The following CREB5 variants were observed in gnomAD, a reference collection of about 807,000 sequenced individuals.
CREB5 encodes the protein cAMP responsive element binding protein 5, also known as cyclic AMP-responsive element-binding protein 5.
In CREB5, 19 loss-of-function variants were observed where a neutral mutation model predicts 57.1. The observed-to-expected ratio is 0.33, with a 90% CI of 0.23 to 0.49. CREB5 has a LOEUF of 0.49. Ranked by LOEUF, CREB5 falls within the 20% of genes least tolerant of loss-of-function variation. The pLI is 0.99. For synonymous variants in CREB5, 238 were observed against 238.3 expected, an observed-to-expected ratio of 1.00 and a Z score of 0.01; for missense variants, 579 against 671.6, an observed-to-expected ratio of 0.86 and a Z score of 1.52.
rs564261428 is a variant in CREB5, at chr7:28,735,432, C to T, written c.702+11100C>T. The stretch of plus-strand genomic sequence containing the variant: ...TGCTCTTATCCCATTTATGACAAAT[C>T]AATCTCTGGCCATTTTTATTTCCTC... On this transcript the variant is annotated intron_variant, in intron 7 of 10. Coordinates refer to ENST00000357727, the MANE Select transcript of CREB5 (RefSeq NM_182898.4). Among the ~76,000 whole-genome samples the T allele has an allele frequency of 1.3e-4, 20 of 152,226 alleles. No individual in the cohort carries two copies. The East Asian group carries it at 3.9e-3, about 29-fold the overall frequency.
At chr7:28,401,572 A>G (rs969053999) in intron 1 of CREB5, among the ~76,000 whole-genome samples, 2 of 151,814 alleles carry the variant, frequency 1.3e-5, no homozygotes, top group African/African-American at 2.4e-5. Context: ...CCTTTCCCCA[A>G]CCACGACAGG....
At position 28,488,256 on chromosome 7, in the gene CREB5, CG is replaced by C; in HGVS notation, c.75+12del. On this transcript the variant is annotated intron_variant, in intron 2 of 10. Coordinates refer to ENST00000357727, the MANE Select transcript of CREB5 (RefSeq NM_182898.4). ...CCCAGGCTGCTCCCAGGTGAGTGTGCGGATCCTCCCTGCTCTGACATGCAGG... is the reference window on the plus strand; with the variant it reads ...CCCAGGCTGCTCCCAGGTGAGTGTGCGATCCTCCCTGCTCTGACATGCAGG... The C allele has an allele frequency of 6.2e-7, 1 of 1,612,362 alleles. No individual in the cohort carries two copies.
At chr7:28,778,450 C>T (rs1334017142) in intron 7 of CREB5, among the ~76,000 whole-genome samples, 1 of 152,144 alleles carries the variant, frequency 6.6e-6, no homozygotes, top group African/African-American at 2.4e-5. Context: ...AGAACTGATT[C>T]TTGTTATAAA....
At chr7:28,694,135 C>T (rs186785351) in intron 5 of CREB5, among the ~76,000 whole-genome samples, 30 of 152,272 alleles carry the variant, frequency 2.0e-4, no homozygotes, top group Non-Finnish European at 2.8e-4. Flanking sequence ...TTTGCATCTG[C>T]CTCTTCTTGA....
At chr7:28,425,372 G>A (rs1459106784) in intron 1 of CREB5, among the ~76,000 whole-genome samples, 1 of 152,034 alleles carries the variant, frequency 6.6e-6, no homozygotes, top group African/African-American at 2.4e-5. Flanking sequence ...TCCATACATA[G>A]GAAATGTCCA....
rs138908624 is a variant in CREB5, at chr7:28,537,238, A to G, written c.291+29501A>G. On this transcript the variant is annotated intron_variant, in intron 4 of 10. Transcript: ENST00000357727. ...TGTTATGAGATACATGAGATACATG[A>G]TACAGGATTACTGTAGTGAAGCAAA... 5.3e-5 allele frequency among the ~76,000 whole-genome samples: 8 copies of G among 152,354 alleles called. No homozygotes were observed. The East Asian group carries it at 1.5e-3, about 29-fold the overall frequency.
chr7:28,553,589 G>A (rs1335065548), intron 4 of CREB5, among the ~76,000 whole-genome samples: 2 of 152,172 alleles, frequency 1.3e-5, no homozygotes, highest in African/African-American at 4.8e-5. Context: ...AGGCAGTCCT[G>A]TTTTCCTGTC....
intron 9 of CREB5, among the ~76,000 whole-genome samples, chr7:28,813,971 A>G (rs911710200): frequency 1.3e-5 from 2 of 152,348 alleles, no homozygotes; most frequent in Middle Eastern, 3.4e-3. Context: ...ATTAAGACCT[A>G]AAACTCTGAT....
intron 4 of CREB5, among the ~76,000 whole-genome samples, chr7:28,517,737 CTGT>C (rs748197294): frequency 5.3e-5 from 8 of 152,098 alleles, no homozygotes; most frequent in Non-Finnish European, 1.0e-4. Context: ...CTCTGCTTGA[CTGT>C]TGTTAGGTTT....
chr7:28,811,122 T>A (rs1235415761), intron 9 of CREB5, among the ~76,000 whole-genome samples: 7 of 152,188 alleles, frequency 4.6e-5, no homozygotes, highest in African/African-American at 1.7e-4. Flanking sequence ...TAGTGTAGTG[T>A]CTACACTCAG....
intron 5 of CREB5, among the ~76,000 whole-genome samples, chr7:28,674,985 T>G (rs2128721329): frequency 6.6e-6 from 1 of 152,312 alleles, no homozygotes; most frequent in South Asian, 2.1e-4. Context: ...TTTTCCTGCA[T>G]GAAACACACC....
At chr7:28,491,514 A>G (rs1250600733) in intron 2 of CREB5, among the ~76,000 whole-genome samples, 2 of 152,234 alleles carry the variant, frequency 1.3e-5, no homozygotes, top group Non-Finnish European at 2.9e-5. Context: ...AAATGGTTGG[A>G]CAGACATGGA....
chr7:28,667,142 C>A (rs117730243), intron 5 of CREB5, among the ~76,000 whole-genome samples: 1 of 151,790 alleles, frequency 6.6e-6, no homozygotes, highest in Non-Finnish European at 1.5e-5. Context: ...TAAACAAATC[C>A]GAAAGATATA....
intron 5 of CREB5, among the ~76,000 whole-genome samples, chr7:28,712,517 AAG>A (rs1015351990): frequency 1.8e-4 from 10 of 56,540 alleles, no homozygotes; most frequent in African/African-American, 8.0e-4. Flanking sequence ...AAAAAAAAAA[AAG>A]AGAATTTATT....
At chr7:28,560,931 T>TGTGCGTGCGTGCGCGTGC in intron 4 of CREB5, among the ~76,000 whole-genome samples, 1 of 48,552 alleles carries the variant, frequency 2.1e-5, no homozygotes, top group Admixed American at 1.9e-4. Context: ...TGCGCGTGCG[T>TGTGCGTGCGTGCGCGTGC]GTGTGCGTGC....
At chr7:28,639,028 T>C (rs1039304837) in intron 5 of CREB5, among the ~76,000 whole-genome samples, 5 of 152,222 alleles carry the variant, frequency 3.3e-5, no homozygotes, top group African/African-American at 1.2e-4. Context: ...TAATGAAATA[T>C]ATTGAGCTGG....
chr7:28,414,199 C>A (rs1227060701), intron 1 of CREB5, among the ~76,000 whole-genome samples: 1 of 151,964 alleles, frequency 6.6e-6, no homozygotes, highest in Non-Finnish European at 1.5e-5. Flanking sequence ...TGCAGTTAGT[C>A]ACAAAATTAA....
intron 4 of CREB5, among the ~76,000 whole-genome samples, chr7:28,538,299 C>A (rs532522590): frequency 4.5e-4 from 69 of 152,254 alleles, no homozygotes; most frequent in South Asian, 1.0e-3. Flanking sequence ...AGTGATCTGC[C>A]CGCTTCGGCC....
chr7:28,366,559 T>C (rs1178415197), intron 1 of CREB5, among the ~76,000 whole-genome samples: 1 of 152,210 alleles, frequency 6.6e-6, no homozygotes, highest in Non-Finnish European at 1.5e-5. Context: ...AACTTGATCA[T>C]AGAAGTGCTA....
Sources: allele counts gnomAD v4.1 joint callset (sites outside exome capture counted in the v4.1 genomes callset), GRCh38; gene constraint gnomAD v4.1.1; transcripts MANE v1.5; gene names NCBI Gene and HGNC (gene_info 2026-07-23, HGNC 2026-07-21).